CEP128: variants seen among roughly 807,000 people sequenced by gnomAD.
The protein encoded by CEP128 is centrosomal protein 128kDa.
Under a neutral mutation model 156.7 loss-of-function variants are expected in CEP128, and 132 were observed. The observed-to-expected ratio is 0.84, with a 90% CI of 0.73 to 0.97. The LOEUF is 0.97. Among genes scored for constraint, CEP128 ranks in the 50% least tolerant of loss-of-function variants. CEP128 has a pLI of 0.00. For synonymous variants in CEP128, 469 were observed against 448.9 expected, an observed-to-expected ratio of 1.04 and a Z score of -0.57; for missense variants, 1,252 against 1,281.9, an observed-to-expected ratio of 0.98 and a Z score of 0.36.
intron 8 of CEP128, among the ~76,000 whole-genome samples, chr14:80,867,310 A>G (rs2140175543): frequency 6.6e-6 from 1 of 152,322 alleles, no homozygotes; most frequent in Middle Eastern, 3.4e-3. Context: ...ATGAAGTGAG[A>G]CTACTGAAGA....
chr14:80,778,641 A>T (rs1900931914), intron 15 of CEP128, among the ~76,000 whole-genome samples: 1 of 152,222 alleles, frequency 6.6e-6, no homozygotes, highest in Non-Finnish European at 1.5e-5. Flanking sequence ...GAAAAAGTTT[A>T]CCAGTTATTT....
At chr14:80,484,877 T>C (rs1355152400) in intron 14 of CEP128, among the ~76,000 whole-genome samples, 1 of 152,174 alleles carries the variant, frequency 6.6e-6, no homozygotes, top group East Asian at 1.9e-4. Flanking sequence ...CTATATCTGT[T>C]CTGTGGTACC....
intron 4 of CEP128, among the ~76,000 whole-genome samples, chr14:80,908,493 A>C (rs1884022483): frequency 6.6e-6 from 1 of 151,996 alleles, no homozygotes; most frequent in Non-Finnish European, 1.5e-5. Flanking sequence ...TCAGTTGGTT[A>C]TTTATTTATC....
intron 13 of CEP128, among the ~76,000 whole-genome samples, chr14:80,796,858 A>G (rs1883514962): frequency 6.6e-6 from 1 of 152,222 alleles, no homozygotes; most frequent in Admixed American, 6.5e-5. Context: ...AAATTTAGCA[A>G]GTCAAGAAGT....
intron 23 of CEP128, among the ~76,000 whole-genome samples, chr14:80,505,472 A>G (rs1795157790): frequency 6.6e-6 from 1 of 152,212 alleles, no homozygotes; most frequent in Non-Finnish European, 1.5e-5. Context: ...CTTTAAACTT[A>G]TAACCTTTTC....
At chr14:80,742,962 TG>T in intron 19 of CEP128, 112 bp downstream of exon 19, 1 of 852,598 alleles carries the variant, frequency 1.2e-6, no homozygotes, top group Non-Finnish European at 1.8e-6. Context: ...GAAAAGGAGA[TG>T]GGCTTGGAAA....
downstream of CEP128, among the ~76,000 whole-genome samples, chr14:80,492,632 C>T (rs887256329): frequency 2.0e-5 from 3 of 152,248 alleles, no homozygotes; most frequent in African/African-American, 4.8e-5. Flanking sequence ...CAAATTTTCA[C>T]ATTATTGGTG....
intron 16 of CEP128, 33 bp downstream of exon 16, chr14:80,777,849 G>C (rs1230519252): frequency 7.0e-7 from 1 of 1,421,900 alleles, no homozygotes; most frequent in Admixed American, 1.8e-5. Flanking sequence ...ATTGAAATTA[G>C]AATTTGAAAT....
At chr14:80,876,217 C>T (rs1352478298) in intron 8 of CEP128, among the ~76,000 whole-genome samples, 1 of 151,780 alleles carries the variant, frequency 6.6e-6, no homozygotes, top group Non-Finnish European at 1.5e-5. Flanking sequence ...CACAACTAAG[C>T]TTATCACAGT....
chr14:80,843,986 G>A (rs1886470894), intron 9 of CEP128, among the ~76,000 whole-genome samples: 1 of 151,920 alleles, frequency 6.6e-6, no homozygotes, highest in Admixed American at 6.6e-5. Context: ...CTCAGAACAT[G>A]TACTACTCAT....
intron 19 of CEP128, among the ~76,000 whole-genome samples, chr14:80,653,816 T>G (rs954829111): frequency 9.2e-5 from 14 of 152,188 alleles, no homozygotes; most frequent in African/African-American, 3.4e-4. Context: ...ATTAGGATCA[T>G]TATATCAATT....
At position 80,620,776 on chromosome 14, in the gene CEP128, G is replaced by A. The variant is rs942350880; in HGVS notation, c.2807-40353C>T. Among the ~76,000 whole-genome samples the A allele has an allele frequency of 1.6e-4, 24 of 152,262 alleles. No individual in the cohort carries two copies. In the East Asian group the frequency reaches 3.9e-3, roughly 24 times the overall value. On this transcript the variant is annotated intron_variant, in intron 19 of 24. Transcript: ENST00000555265. ...AATATCTGAGGGTAGAAATATTGAGGCATTGTACACTTTAAGTCAGGTAGA... is the reference window on the plus strand; with the variant it reads ...AATATCTGAGGGTAGAAATATTGAGACATTGTACACTTTAAGTCAGGTAGA...
chr14:80,679,610 C>T (rs1259688155), intron 19 of CEP128, among the ~76,000 whole-genome samples: 3 of 152,170 alleles, frequency 2.0e-5, no homozygotes, highest in Admixed American at 6.5e-5. Context: ...CAAGGCAATA[C>T]ATGCACAGCT....
intron 20 of CEP128, among the ~76,000 whole-genome samples, chr14:80,574,692 T>C (rs1260643209): frequency 1.3e-5 from 2 of 152,174 alleles, no homozygotes; most frequent in African/African-American, 2.4e-5. Flanking sequence ...CAAGAAGGTA[T>C]ATTCTATTTT....
rs549037777 is a variant in CEP128 at position 80,700,371 on chromosome 14, G to A, written c.2806+42704C>T. ...CACTTATCTTGCAGGAAAGACTCAC[G>A]GTTCCTGCAACTGTCATAGTACAGA... On this transcript the variant is annotated intron_variant, in intron 19 of 24. Coordinates refer to ENST00000555265, the MANE Select transcript of CEP128 (RefSeq NM_152446.5). Among the ~76,000 whole-genome samples, 35 of 152,110 alleles carry A rather than the reference G, an allele frequency of 2.3e-4. No homozygotes were observed. The South Asian group carries it at 7.1e-3, about 31-fold the overall frequency.
At chr14:80,767,916 GTC>G (rs1239178553) in intron 16 of CEP128, among the ~76,000 whole-genome samples, 5 of 152,036 alleles carry the variant, frequency 3.3e-5, no homozygotes, top group Non-Finnish European at 7.4e-5. Flanking sequence ...TTCTATGTCT[GTC>G]TCCTCATCAG....
intron 19 of CEP128, among the ~76,000 whole-genome samples, chr14:80,642,639 C>T (rs1032710286): frequency 2.6e-5 from 4 of 151,988 alleles, no homozygotes; most frequent in Admixed American, 6.6e-5. Context: ...GCCTGGGCAA[C>T]AGGTGAGACT....
chr14:80,740,551 C>CAGAT (rs60045247), intron 19 of CEP128, among the ~76,000 whole-genome samples: 5,894 of 139,552 alleles, frequency 0.042, 226 homozygotes, highest in East Asian at 0.17. Flanking sequence ...GATAGACAGA[C>CAGAT]AGATAGATAG....
At chr14:80,532,935 C>T (rs1412977519) in intron 21 of CEP128, among the ~76,000 whole-genome samples, 1 of 152,148 alleles carries the variant, frequency 6.6e-6, no homozygotes, top group Non-Finnish European at 1.5e-5. Context: ...ATAAAGTTCT[C>T]TTTTTCAAGT....
Sources: allele counts gnomAD v4.1 joint callset (sites outside exome capture counted in the v4.1 genomes callset), GRCh38; gene constraint gnomAD v4.1.1; transcripts MANE v1.5; gene names NCBI Gene and HGNC (gene_info 2026-07-23, HGNC 2026-07-21).